LPP: variants seen among roughly 807,000 people sequenced by gnomAD.
LPP encodes LIM domain containing preferred translocation partner in lipoma.
Under a neutral mutation model 60.4 loss-of-function variants are expected in LPP, and 38 were observed. The observed-to-expected ratio is 0.63, with a 90% CI of 0.49 to 0.83. LPP has a LOEUF of 0.83. Ranked by LOEUF, LPP falls within the 40% of genes least tolerant of loss-of-function variation. The probability of loss-of-function intolerance (pLI) is 0.00; values close to 1 mark genes in which losing one functional copy is unlikely to be tolerated. For synonymous variants in LPP, 328 were observed against 290.8 expected (o/e 1.13, Z -1.30); for missense variants, 902 against 783.6 (o/e 1.15, Z -1.80).
At chr3:188,837,486 T>C (rs759466433) in intron 9 of LPP, among the ~76,000 whole-genome samples, 99 of 151,876 alleles carry the variant, frequency 6.5e-4, no homozygotes, top group Non-Finnish European at 1.1e-3. Flanking sequence ...CTCTGTCCTT[T>C]GTGTTCACAG....
chr3:188,378,459 G>C (rs762872270), intron 3 of LPP, among the ~76,000 whole-genome samples: 4 of 152,182 alleles, frequency 2.6e-5, no homozygotes, highest in African/African-American at 4.8e-5. Flanking sequence ...GTTTGATCTC[G>C]GACCGCTGTG....
At chr3:188,408,055 T>A (rs1197571046) in intron 4 of LPP, among the ~76,000 whole-genome samples, 2 of 152,172 alleles carry the variant, frequency 1.3e-5, no homozygotes, top group Admixed American at 1.3e-4. Context: ...CCCAAAGGGC[T>A]GGGATTACAG....
intron 7 of LPP, among the ~76,000 whole-genome samples, chr3:188,704,046 T>G (rs954440457): frequency 1.3e-5 from 2 of 152,162 alleles, no homozygotes; most frequent in Admixed American, 6.5e-5. Context: ...TAAAACAACT[T>G]GCACCATTAT....
chr3:188,307,739 G>A (rs539114981), intron 2 of LPP, among the ~76,000 whole-genome samples: 5 of 152,320 alleles, frequency 3.3e-5, no homozygotes, highest in African/African-American at 1.2e-4. Flanking sequence ...TAGTGAGGGA[G>A]ATAGATAATA....
intron 9 of LPP, among the ~76,000 whole-genome samples, chr3:188,855,132 G>A (rs183689681): frequency 2.0e-5 from 3 of 152,264 alleles, no homozygotes; most frequent in Admixed American, 2.0e-4. Context: ...TCTATGTTGT[G>A]TGATTAACTT....
chr3:188,661,450 C>T (rs1017836748), intron 7 of LPP, among the ~76,000 whole-genome samples: 3 of 152,142 alleles, frequency 2.0e-5, no homozygotes, highest in African/African-American at 7.2e-5. Flanking sequence ...ATTTTGCGGT[C>T]CCACCTGCAA....
At chr3:188,772,393 A>G (rs1736325941) in intron 9 of LPP, among the ~76,000 whole-genome samples, 1 of 152,174 alleles carries the variant, frequency 6.6e-6, no homozygotes, top group Admixed American at 6.5e-5. Context: ...CCTCACCACA[A>G]CTGGTATTAT....
chr3:188,753,859 C>G (rs1379227047), intron 8 of LPP, among the ~76,000 whole-genome samples: 2 of 152,072 alleles, frequency 1.3e-5, no homozygotes, highest in East Asian at 1.9e-4. Flanking sequence ...CCCCCACTAG[C>G]CACGTACCTG....
chr3:188,643,602 A>G (rs922799387), intron 7 of LPP, among the ~76,000 whole-genome samples: 4 of 152,186 alleles, frequency 2.6e-5, no homozygotes, highest in Non-Finnish European at 5.9e-5. Context: ...TAGATAGAGT[A>G]TATGCAACCC....
At chr3:188,388,478 T>C (rs1171617726) in intron 3 of LPP, among the ~76,000 whole-genome samples, 1 of 152,056 alleles carries the variant, frequency 6.6e-6, no homozygotes, top group Non-Finnish European at 1.5e-5. Flanking sequence ...GCAACTCTGA[T>C]TGAAGGAGGA....
chr3:188,283,831 G>T (rs1742968521), intron 2 of LPP, among the ~76,000 whole-genome samples: 2 of 151,978 alleles, frequency 1.3e-5, no homozygotes, highest in Non-Finnish European at 1.5e-5. Context: ...ACAAAAATTA[G>T]CCAGGCGTGG....
chr3:188,313,452 C>T (rs1390731345), intron 2 of LPP, among the ~76,000 whole-genome samples: 1 of 151,968 alleles, frequency 6.6e-6, no homozygotes, highest in African/African-American at 2.4e-5. Context: ...CCAGCCTGGC[C>T]AACATGGTGA....
At chr3:188,830,342 G>A (rs1173552618) in intron 9 of LPP, among the ~76,000 whole-genome samples, 4 of 150,754 alleles carry the variant, frequency 2.7e-5, no homozygotes, top group African/African-American at 7.3e-5. Flanking sequence ...AGGCGCGGTG[G>A]CTCTGTAATC....
intron 7 of LPP, among the ~76,000 whole-genome samples, chr3:188,672,993 T>C (rs1857257312): frequency 6.6e-6 from 1 of 151,802 alleles, no homozygotes; most frequent in Non-Finnish European, 1.5e-5. Context: ...TCAGCACTCG[T>C]GTACTGAGAA....
intron 2 of LPP, among the ~76,000 whole-genome samples, chr3:188,264,428 C>T (rs1352123404): frequency 4.0e-5 from 6 of 151,820 alleles, no homozygotes; most frequent in Admixed American, 1.3e-4. Flanking sequence ...TCAAAGGAAA[C>T]GGGATGAGAA....
intron 3 of LPP, among the ~76,000 whole-genome samples, chr3:188,347,793 GT>G (rs1402253127): frequency 6.6e-6 from 1 of 152,200 alleles, no homozygotes; most frequent in Non-Finnish European, 1.5e-5. Flanking sequence ...TGAAAGGCAG[GT>G]CAGAGATGGA....
At position 188,466,804 on chromosome 3, in the gene LPP, A is replaced by AATATATATATATATATATAT. The variant is rs375483583; in HGVS notation, c.194-17787_194-17786insTATATATATATATATATATA. On this transcript the variant is annotated intron_variant, in intron 4 of 11. Coordinates refer to ENST00000617246, the MANE Select transcript of LPP (RefSeq NM_001375462.1). ...AAAAAAGTGGTTTCTGTCATCTCAG[A>AATATATATATATATATATAT]ACATATATATATATATATATATATA... Among the ~76,000 whole-genome samples the AATATATATATATATATATAT allele has an allele frequency of 6.1e-3, 445 of 72,866 alleles. 103 individuals carry two copies. The highest frequency in any genetic ancestry group is 8.4e-3 in the African/African-American group (174 of 20,730). The allele number at this position is 72,866 out of a possible 152,430, so 47.8% of individuals were successfully genotyped here.
At chr3:188,644,395 C>T (rs969728082) in intron 7 of LPP, among the ~76,000 whole-genome samples, 1 of 152,136 alleles carries the variant, frequency 6.6e-6, no homozygotes, top group African/African-American at 2.4e-5. Flanking sequence ...GAATTTTGAA[C>T]ACCCTAGTGG....
intron 1 of LPP, among the ~76,000 whole-genome samples, chr3:188,162,792 C>A (rs371706512): frequency 6.6e-6 from 1 of 152,092 alleles, no homozygotes; most frequent in Non-Finnish European, 1.5e-5. Flanking sequence ...GGGTGCCCAG[C>A]GGGGCATCTG....
Sources: gnomAD v4.1 joint callset for allele counts (sites outside exome capture counted in the v4.1 genomes callset) on GRCh38, gnomAD v4.1.1 for gene constraint, MANE v1.5 for transcripts, NCBI Gene and HGNC (gene_info 2026-07-23, HGNC 2026-07-21) for gene names.